SLC38A9: variants seen among roughly 807,000 people sequenced by gnomAD.
SLC38A9 encodes solute carrier family 38 member 9, also known as neutral amino acid transporter 9.
SLC38A9 carries 48 observed loss-of-function variants against 62.3 expected under a neutral mutation model. That is an observed-to-expected ratio of 0.77 (90% CI 0.61 to 0.98). The LOEUF is 0.98. Among genes scored for constraint, SLC38A9 ranks in the 50% least tolerant of loss-of-function variants. The pLI, the probability that SLC38A9 is intolerant of heterozygous loss-of-function variation, is 0.00. For synonymous variants in SLC38A9, 204 were observed against 227.7 expected, an observed-to-expected ratio of 0.90 and a Z score of 0.94; for missense variants, 541 against 679.8, an observed-to-expected ratio of 0.80 and a Z score of 2.27.
chr5:55,672,737 A>G, intron 3 of SLC38A9, 42 bp from the exon 4 acceptor site: 1 of 1,585,838 alleles, frequency 6.3e-7, no homozygotes, highest in Non-Finnish European at 8.6e-7. Flanking sequence ...GTTCAGCCAA[A>G]AATTCTGGAA....
At chr5:55,662,353 C>G (rs1319262584) in intron 8 of SLC38A9, among the ~76,000 whole-genome samples, 1 of 151,966 alleles carries the variant, frequency 6.6e-6, no homozygotes, top group Non-Finnish European at 1.5e-5. Flanking sequence ...AGACAGAAAG[C>G]AAGTTGCAAA....
intron 12 of SLC38A9, among the ~76,000 whole-genome samples, chr5:55,640,175 G>T (rs113424592): frequency 6.6e-6 from 1 of 151,694 alleles, no homozygotes; most frequent in African/African-American, 2.4e-5. Flanking sequence ...TAGTAGAGAC[G>T]GGGTTTTGCC....
chr5:55,662,800 T>G (rs1381075191), intron 8 of SLC38A9, among the ~76,000 whole-genome samples: 1 of 151,938 alleles, frequency 6.6e-6, no homozygotes, highest in Non-Finnish European at 1.5e-5. Flanking sequence ...AAAATGAGAT[T>G]GAGAAGGAGT....
intron 3 of SLC38A9, among the ~76,000 whole-genome samples, chr5:55,697,400 G>A (rs925644410): frequency 6.6e-6 from 1 of 151,696 alleles, no homozygotes; most frequent in Non-Finnish European, 1.5e-5. Context: ...TAATTTTTTT[G>A]TGGATTCTTT....
chr5:55,643,170 G>A (rs1344005936), intron 12 of SLC38A9, among the ~76,000 whole-genome samples: 1 of 152,202 alleles, frequency 6.6e-6, no homozygotes, highest in Non-Finnish European at 1.5e-5. Context: ...AAGGTAGAAA[G>A]TTAGGTTTTT....
At chr5:55,672,918 T>G (rs1751549452) in intron 3 of SLC38A9, 2 of 410,642 alleles carry the variant, frequency 4.9e-6, no homozygotes, top group Non-Finnish European at 8.5e-6. Context: ...AGCACACTTT[T>G]TTTGTAATCT....
chr5:55,631,110 G>T (rs1289804021), intron 14 of SLC38A9, among the ~76,000 whole-genome samples: 1 of 152,154 alleles, frequency 6.6e-6, no homozygotes, highest in Non-Finnish European at 1.5e-5. Context: ...TCCAGCCTGG[G>T]CGACAAGAGT....
At chr5:55,705,898 C>T (rs571274291) in intron 2 of SLC38A9, among the ~76,000 whole-genome samples, 2 of 151,922 alleles carry the variant, frequency 1.3e-5, no homozygotes, top group Non-Finnish European at 2.9e-5. Flanking sequence ...TTAGTAGAGA[C>T]GGGGTTTCAC....
chr5:55,641,859 C>G (rs1745492566), intron 12 of SLC38A9, among the ~76,000 whole-genome samples: 1 of 152,220 alleles, frequency 6.6e-6, no homozygotes, highest in Non-Finnish European at 1.5e-5. Context: ...TGAGGGCTAG[C>G]AGCTACTACT....
chr5:55,704,481 G>C (rs578246796), intron 2 of SLC38A9: 22 of 152,258 alleles, frequency 1.4e-4, no homozygotes, highest in African/African-American at 5.3e-4. Context: ...GTAAGTACAA[G>C]CATTTAGAAA....
At chr5:55,626,753 T>A in intron 15 of SLC38A9, 94 bp from the exon 16 acceptor site, 1 of 1,121,572 alleles carries the variant, frequency 8.9e-7, no homozygotes. Flanking sequence ...CTCCTCAGTC[T>A]GATAGCTCAA....
chr5:55,648,439 T>G (rs1479139596), intron 11 of SLC38A9, among the ~76,000 whole-genome samples: 1 of 152,170 alleles, frequency 6.6e-6, no homozygotes, highest in Non-Finnish European at 1.5e-5. Context: ...ACAGACTCCT[T>G]CACAAAATGG....
At chr5:55,686,542 G>A (rs1309072918) in intron 3 of SLC38A9, among the ~76,000 whole-genome samples, 3 of 152,056 alleles carry the variant, frequency 2.0e-5, no homozygotes, top group Admixed American at 6.5e-5. Context: ...TACATAGTTC[G>A]CAAAAATTTT....
intron 2 of SLC38A9, among the ~76,000 whole-genome samples, chr5:55,700,587 GA>G (rs1006192114): frequency 6.6e-6 from 1 of 151,798 alleles, no homozygotes; most frequent in Non-Finnish European, 1.5e-5. Flanking sequence ...CAAAAGAGGA[GA>G]AAAAAATATA....
chr5:55,696,393 G>A (rs1177761899), intron 3 of SLC38A9: 2 of 47,386 alleles, frequency 4.2e-5, no homozygotes, highest in Non-Finnish European at 1.1e-4. Flanking sequence ...CCGGGCGGGG[G>A]GCTGACCCCC....
chr5:55,645,869 T>A lies in SLC38A9; in HGVS notation c.1087A>T (p.Thr363Ser), dbSNP rs187154786. 5.3e-4 allele frequency: 846 copies of A among 1,610,042 alleles called. 6 individuals are homozygous for A. In the East Asian group the frequency reaches 0.012, roughly 22 times the overall value. ...PEIRFQFPQL[T>S]GVLTLAFFIH... ...AAAAAAGCAAGGGTAAGCACTCCAG[T>A]CAGCTGTGGAAACTGAAATCTTATC... The change falls in exon 12 of 16, where the codon ACT (threonine) becomes TCT (serine). Residue 363 changes from threonine to serine, a missense_variant. Physicochemically the swap from Thr to Ser is moderately conservative, Grantham distance 58. Transcript: ENST00000396865.
At chr5:55,665,433 G>C (rs1203768829) in intron 7 of SLC38A9, among the ~76,000 whole-genome samples, 1 of 151,708 alleles carries the variant, frequency 6.6e-6, no homozygotes, top group East Asian at 1.9e-4. Context: ...TGTAGTCCCA[G>C]CTACTCTGGA....
At chr5:55,628,179 A>G (rs1174436688) in intron 14 of SLC38A9, among the ~76,000 whole-genome samples, 199 bp from the exon 15 acceptor site, 3 of 152,130 alleles carry the variant, frequency 2.0e-5, no homozygotes, top group Non-Finnish European at 4.4e-5. Flanking sequence ...TCTTCTGTGC[A>G]ATTATACTGG....
At chr5:55,692,044 T>TC (rs1188184837) in intron 3 of SLC38A9, among the ~76,000 whole-genome samples, 1 of 152,198 alleles carries the variant, frequency 6.6e-6, no homozygotes, top group East Asian at 1.9e-4. Context: ...GGATAAGTAA[T>TC]CTAAATATAT....
Sources: allele counts gnomAD v4.1 joint callset (sites outside exome capture counted in the v4.1 genomes callset), GRCh38; gene constraint gnomAD v4.1.1; transcripts MANE v1.5; gene names NCBI Gene and HGNC (gene_info 2026-07-23, HGNC 2026-07-21).